LAMA3: variants seen among roughly 807,000 people sequenced by gnomAD.
LAMA3 encodes laminin subunit alpha-3.
In LAMA3, 281 loss-of-function variants were observed where a neutral mutation model predicts 402.0. The observed-to-expected ratio is 0.70, with a 90% CI of 0.63 to 0.77. LAMA3 has a LOEUF of 0.77. Ranked by LOEUF, LAMA3 falls within the 30% of genes least tolerant of loss-of-function variation. The probability of loss-of-function intolerance (pLI) is 0.00; values close to 1 mark genes in which losing one functional copy is unlikely to be tolerated. For missense variants in LAMA3, 3,840 were observed against 4,215.5 expected, an observed-to-expected ratio of 0.91 and a Z score of 2.47; for synonymous variants, 1,431 against 1,558.4, an observed-to-expected ratio of 0.92 and a Z score of 1.93.
intron 24 of LAMA3, among the ~76,000 whole-genome samples, chr18:23,836,291 G>A (rs1291594798): frequency 1.3e-5 from 2 of 152,150 alleles, no homozygotes; most frequent in Admixed American, 1.3e-4. Context: ...CTCAGAAATA[G>A]TCCTTTTGTT....
intron 62 of LAMA3, among the ~76,000 whole-genome samples, chr18:23,926,031 A>G (rs1445779203): frequency 1.3e-5 from 2 of 152,244 alleles, no homozygotes; most frequent in Non-Finnish European, 2.9e-5. Context: ...GTATGGGCAT[A>G]GTAGCTGCCT....
At chr18:23,759,043 C>G (rs977752634) in intron 7 of LAMA3, among the ~76,000 whole-genome samples, 1 of 150,916 alleles carries the variant, frequency 6.6e-6, no homozygotes, top group Non-Finnish European at 1.5e-5. Context: ...GTAAGAAAAG[C>G]GTTTTTTTTT....
At chr18:23,854,314 G>C (rs1294926922) in intron 32 of LAMA3, among the ~76,000 whole-genome samples, 1 of 152,222 alleles carries the variant, frequency 6.6e-6, no homozygotes, top group Non-Finnish European at 1.5e-5. Context: ...CTTGCTGCAG[G>C]TACTCTTGTT....
chr18:23,832,542 T>C (rs1425939281), intron 23 of LAMA3, among the ~76,000 whole-genome samples: 1 of 152,212 alleles, frequency 6.6e-6, no homozygotes, highest in Non-Finnish European at 1.5e-5. Context: ...GGAGGTGGGT[T>C]ACACTGCTGA....
chr18:23,802,668 C>T (rs180801112), intron 12 of LAMA3, among the ~76,000 whole-genome samples: 98 of 152,274 alleles, frequency 6.4e-4, no homozygotes, highest in Non-Finnish European at 1.0e-3. Context: ...AGCATTTCTT[C>T]CTCTGGAACT....
chr18:23,871,812 T>C, intron 38 of LAMA3, 151 bp downstream of exon 38: 1 of 684,910 alleles, frequency 1.5e-6, no homozygotes, highest in African/African-American at 1.8e-5. Flanking sequence ...TTACTTAGAC[T>C]CCCTTCAGGA....
chr18:23,826,878 T>C, intron 22 of LAMA3, 79 bp downstream of exon 22: 1 of 805,922 alleles, frequency 1.2e-6, no homozygotes, highest in Non-Finnish European at 2.1e-6. Flanking sequence ...TTTCATGAGG[T>C]GTCTCAGGAT....
intron 30 of LAMA3, 43 bp downstream of exon 30, chr18:23,845,167 T>C (rs755237524): frequency 2.5e-5 from 29 of 1,142,350 alleles, no homozygotes; most frequent in Non-Finnish European, 3.7e-5. Flanking sequence ...GCAGAGGCAC[T>C]CCCACATTCC....
At chr18:23,872,215 C>T (rs3810076) in intron 38 of LAMA3, among the ~76,000 whole-genome samples, 1 of 152,272 alleles carries the variant, frequency 6.6e-6, no homozygotes, top group East Asian at 1.9e-4. Flanking sequence ...TCCCTCTACC[C>T]ACTCTCAACT....
chr18:23,796,221 G>A (rs1037368279), intron 12 of LAMA3: 3 of 237,054 alleles, frequency 1.3e-5, no homozygotes, highest in African/African-American at 6.9e-5. Context: ...TTCAAGACTA[G>A]GAAAAGAGTA....
rs1279186786 is a variant in LAMA3, at chr18:23,868,863, T to C, written c.4767+946T>C. Among the ~76,000 whole-genome samples, 4 of 152,248 alleles carry C rather than the reference T, an allele frequency of 2.6e-5. No homozygotes were observed. The East Asian group carries it at 7.7e-4, about 29-fold the overall frequency. ...GGTTACAACTATTCCTTAAAAATAG[T>C]GTTCCATTTATATTATTAAATATGA... On this transcript the variant is annotated intron_variant, in intron 37 of 74. Transcript: ENST00000313654.
intron 12 of LAMA3, among the ~76,000 whole-genome samples, chr18:23,792,543 C>G (rs2062679658): frequency 6.6e-6 from 1 of 152,192 alleles, no homozygotes; most frequent in African/African-American, 2.4e-5. Context: ...GGCCTCATCT[C>G]CCAACACTGC....
intron 67 of LAMA3, among the ~76,000 whole-genome samples, chr18:23,937,400 A>G (rs1299393438): frequency 3.1e-5 from 4 of 128,760 alleles, no homozygotes; most frequent in Non-Finnish European, 3.2e-5. Flanking sequence ...AAAAAAAAAG[A>G]GGGCTGACTT....
chr18:23,847,345 ATCCAAATATTTC>A lies in LAMA3; in HGVS notation c.3932-116_3932-105del, dbSNP rs2063839019. 9.3e-6 allele frequency: 10 copies of A among 1,073,894 alleles called. No homozygotes were observed. In the Middle Eastern group the frequency reaches 1.4e-3, roughly 150 times the overall value. 66.5% of individuals were successfully genotyped at this position (1,073,894 alleles called of 1,614,324 possible). A position where few individuals can be genotyped will look rare whatever the true frequency, so the allele number is the denominator to read the frequency against. On this transcript the variant is annotated intron_variant, in intron 31 of 74. Transcript: ENST00000313654. ...TGACTCCAAGAAATGGGCCTTTCAGATCCAAATATTTCTCTCTGACCCTTTGGAGGCTTCTGG... is the reference window on the plus strand; with the variant it reads ...TGACTCCAAGAAATGGGCCTTTCAGATCTCTGACCCTTTGGAGGCTTCTGG...
At chr18:23,709,940 A>G (rs2060959298) in intron 1 of LAMA3, 3 of 720,084 alleles carry the variant, frequency 4.2e-6, no homozygotes, top group South Asian at 2.7e-5. Flanking sequence ...CATCAATGTC[A>G]TAGAGCTTCT....
At chr18:23,753,655 G>A in intron 5 of LAMA3, 66 bp from the exon 6 acceptor site, 2 of 1,197,588 alleles carry the variant, frequency 1.7e-6, no homozygotes, top group South Asian at 2.5e-5. Context: ...GTGGGTTAAA[G>A]ACTAGTAAGA....
intron 74 of LAMA3, among the ~76,000 whole-genome samples, chr18:23,953,704 TAA>T (rs1260665632): frequency 1.3e-5 from 2 of 152,168 alleles, no homozygotes; most frequent in Admixed American, 1.3e-4. Flanking sequence ...CTGATACCAG[TAA>T]AGAGTCAGGA....
chr18:23,774,537 A>C (rs1025979308), intron 9 of LAMA3, among the ~76,000 whole-genome samples: 1 of 152,062 alleles, frequency 6.6e-6, no homozygotes, highest in Non-Finnish European at 1.5e-5. Flanking sequence ...CTGTGCCATA[A>C]CTCTTCTATT....
rs895485734 is a variant in LAMA3 at position 23,903,861 on chromosome 18, T to C, written c.6319-72T>C. On this transcript the variant is annotated intron_variant, in intron 49 of 74. Coordinates refer to ENST00000313654, the MANE Select transcript of LAMA3 (RefSeq NM_198129.4). ...TGCCCCAGAAACACATCAGTTATGATAGAGTTTGAGAAATCAGCACCTACA... is the reference window on the plus strand; with the variant it reads ...TGCCCCAGAAACACATCAGTTATGACAGAGTTTGAGAAATCAGCACCTACA... 41 of 1,224,262 alleles carry C rather than the reference T, an allele frequency of 3.3e-5. 1 individual carries two copies. The South Asian group carries it at 4.6e-4, about 14-fold the overall frequency. The allele number at this position is 1,224,262 out of a possible 1,614,324, so 75.8% of individuals were successfully genotyped here. A position where few individuals can be genotyped will look rare whatever the true frequency, so the allele number is the denominator to read the frequency against.
Sources: allele counts gnomAD v4.1 joint callset (sites outside exome capture counted in the v4.1 genomes callset), GRCh38; gene constraint gnomAD v4.1.1; transcripts MANE v1.5; gene names NCBI Gene and HGNC (gene_info 2026-07-23, HGNC 2026-07-21).